Variants in ADD2 observed in about 807,000 individuals in gnomAD.
ADD2 encodes the protein beta-adducin.
A neutral mutation model predicts 83.0 loss-of-function variants in ADD2; 23 were observed. That is an observed-to-expected ratio of 0.28 (90% confidence interval 0.20 to 0.39). The LOEUF (loss-of-function observed/expected upper bound fraction) is 0.39. Among genes scored for constraint, ADD2 ranks in the 10% least tolerant of loss-of-function variants. The pLI is 1.00. For synonymous variants in ADD2, 375 were observed against 375.4 expected, an observed-to-expected ratio of 1.00 and a Z score of 0.01; for missense variants, 758 against 944.9, an observed-to-expected ratio of 0.80 and a Z score of 2.59.
intron 1 of ADD2, among the ~76,000 whole-genome samples, chr2:70,740,953 G>A (rs1445561612): frequency 6.6e-6 from 1 of 152,194 alleles, no homozygotes; most frequent in Admixed American, 6.5e-5. Context: ...ACCTGCCTTC[G>A]CCTCCCAGAG....
At chr2:70,679,044 C>G in intron 10 of ADD2, 83 bp from the exon 11 acceptor site, 2 of 1,468,594 alleles carry the variant, frequency 1.4e-6, no homozygotes, top group South Asian at 2.7e-5. Context: ...ACCTTTCCTT[C>G]CGTCTGCTTA....
At chr2:70,762,174 C>T (rs1553385127) in intron 1 of ADD2, among the ~76,000 whole-genome samples, 1 of 151,008 alleles carries the variant, frequency 6.6e-6, no homozygotes, top group African/African-American at 2.5e-5. Flanking sequence ...AATTGAGTCA[C>T]AATTGGATTA....
intron 1 of ADD2, among the ~76,000 whole-genome samples, chr2:70,754,520 G>C (rs1553383484): frequency 1.3e-5 from 2 of 151,928 alleles, no homozygotes; most frequent in African/African-American, 4.8e-5. Context: ...TTGACTTCCT[G>C]TCACTCCTCC....
chr2:70,726,044 G>A (rs2016922), intron 1 of ADD2, among the ~76,000 whole-genome samples: 12,803 of 151,662 alleles, frequency 0.084, 561 homozygotes, highest in East Asian at 0.12. Flanking sequence ...AAAATTAGCC[G>A]GGCGTAGTGG....
chr2:70,679,351 G>A (rs1350163525), intron 10 of ADD2, among the ~76,000 whole-genome samples: 1 of 152,232 alleles, frequency 6.6e-6, no homozygotes, highest in Non-Finnish European at 1.5e-5. Flanking sequence ...CTGATGCAGA[G>A]TTGCCCATTT....
intron 6 of ADD2, among the ~76,000 whole-genome samples, chr2:70,694,971 C>T (rs978907299): frequency 6.6e-6 from 1 of 152,078 alleles, no homozygotes; most frequent in Non-Finnish European, 1.5e-5. Context: ...GTGCAAGCTG[C>T]TTACCCTCCC....
intron 1 of ADD2, among the ~76,000 whole-genome samples, chr2:70,747,908 A>T (rs1213913800): frequency 6.6e-6 from 1 of 152,224 alleles, no homozygotes; most frequent in African/African-American, 2.4e-5. Flanking sequence ...TCAACAATCG[A>T]AATGGTACAA....
intron 14 of ADD2, 104 bp from the exon 15 acceptor site, chr2:70,673,110 C>A: frequency 1.3e-6 from 2 of 1,537,176 alleles, no homozygotes; most frequent in Admixed American, 1.8e-5. Flanking sequence ...GGTCATCAAT[C>A]CTCCTGGCTG....
intron 15 of ADD2, among the ~76,000 whole-genome samples, chr2:70,671,991 C>G (rs193117417): frequency 1.3e-5 from 2 of 152,216 alleles, no homozygotes; most frequent in African/African-American, 4.8e-5. Context: ...ATTTAGGTGG[C>G]CAGGAACTAT....
Position 70,679,805 on chromosome 2 carries a change from T to C in ADD2, c.1126-844A>G, listed in dbSNP as rs115081463. ...ATGCATATACATGTGTGTCCATATA[T>C]GTTTGATACTAGTAAAATGGATATT... On this transcript the variant is annotated intron_variant, in intron 10 of 15. Transcript: ENST00000264436. 5.0e-3 allele frequency among the ~76,000 whole-genome samples: 762 copies of C among 152,316 alleles called. 7 individuals are homozygous for C. The highest frequency in any genetic ancestry group is 0.018 in the African/African-American group (737 of 41,564).
At chr2:70,742,501 T>G (rs1447915168) in intron 1 of ADD2, among the ~76,000 whole-genome samples, 1 of 152,150 alleles carries the variant, frequency 6.6e-6, no homozygotes, top group Non-Finnish European at 1.5e-5. Flanking sequence ...AGAAATGGAC[T>G]GCTGGTTGAA....
At chr2:70,665,838 A>C in intron 15 of ADD2, among the ~76,000 whole-genome samples, 1 of 147,084 alleles carries the variant, frequency 6.8e-6, no homozygotes, top group Admixed American at 6.6e-5. Context: ...TTTTCCCGAA[A>C]CAGTCCTGCT....
chr2:70,714,782 C>T (rs1219374063), intron 1 of ADD2, among the ~76,000 whole-genome samples: 1 of 152,204 alleles, frequency 6.6e-6, no homozygotes, highest in South Asian at 2.1e-4. Context: ...CCTCAAACAC[C>T]AGCTTCCTCT....
chr2:70,723,047 T>C (rs554117834), intron 1 of ADD2, among the ~76,000 whole-genome samples: 8 of 152,308 alleles, frequency 5.3e-5, no homozygotes, highest in South Asian at 2.1e-4. Flanking sequence ...ATTAACTTCA[T>C]AGAGGCCCCA....
intron 6 of ADD2, among the ~76,000 whole-genome samples, chr2:70,693,993 A>G (rs1035565831): frequency 2.0e-5 from 3 of 151,914 alleles, no homozygotes; most frequent in African/African-American, 4.8e-5. Flanking sequence ...CAGAAGCCCA[A>G]TGCTAGGACA....
At chr2:70,675,783 C>T (rs1372638395) in intron 13 of ADD2, 1 of 985,270 alleles carries the variant, frequency 1.0e-6, no homozygotes, top group Admixed American at 6.1e-5. Context: ...AACCGAGAAT[C>T]CAAGACCAAA....
At chr2:70,763,437 C>T (rs1292859055) in intron 1 of ADD2, among the ~76,000 whole-genome samples, 1 of 151,976 alleles carries the variant, frequency 6.6e-6, no homozygotes, top group Non-Finnish European at 1.5e-5. Context: ...GTGTGTGTCC[C>T]TGTACATAGT....
intron 11 of ADD2, among the ~76,000 whole-genome samples, chr2:70,678,103 T>G (rs148922479): frequency 6.6e-6 from 1 of 152,330 alleles, no homozygotes; most frequent in East Asian, 1.9e-4. Flanking sequence ...AGGTCGGCTA[T>G]AAAGAACATC....
intron 1 of ADD2, among the ~76,000 whole-genome samples, chr2:70,734,971 C>T (rs1553379836): frequency 6.6e-6 from 1 of 152,048 alleles, no homozygotes; most frequent in African/African-American, 2.4e-5. Context: ...TGAGTGAATC[C>T]TTATTTTAGA....
Sources: allele counts gnomAD v4.1 joint callset (sites outside exome capture counted in the v4.1 genomes callset), GRCh38; gene constraint gnomAD v4.1.1; transcripts MANE v1.5; gene names NCBI Gene and HGNC (gene_info 2026-07-23, HGNC 2026-07-21).